Variants in PTPN21 observed in about 807,000 individuals in gnomAD.
PTPN21 encodes protein tyrosine phosphatase non-receptor type 21, also known as tyrosine-protein phosphatase non-receptor type 21.
In PTPN21, 77 loss-of-function variants were observed where a neutral mutation model predicts 131.8. The observed-to-expected ratio is 0.58, with a 90% CI of 0.49 to 0.71. PTPN21 has a LOEUF of 0.71. Among genes scored for constraint, PTPN21 ranks in the 30% least tolerant of loss-of-function variants. The pLI is 0.00. For synonymous variants in PTPN21, 715 were observed against 621.3 expected (o/e 1.15, Z -2.24); for missense variants, 1,552 against 1,527.1 (o/e 1.02, Z -0.27).
chr14:88,485,552 T>C (rs2077719237), intron 11 of PTPN21, among the ~76,000 whole-genome samples: 1 of 151,994 alleles, frequency 6.6e-6, no homozygotes. Context: ...TGGCCAATAG[T>C]CTAAGTTCTT....
chr14:88,523,759 C>A (rs1445663233), intron 2 of PTPN21, among the ~76,000 whole-genome samples: 1 of 144,570 alleles, frequency 6.9e-6, no homozygotes, highest in Non-Finnish European at 1.6e-5. Context: ...ACACACACCC[C>A]TGCCCTACTC....
intron 2 of PTPN21, among the ~76,000 whole-genome samples, chr14:88,523,527 A>C (rs906131700): frequency 7.2e-5 from 11 of 152,202 alleles, no homozygotes; most frequent in African/African-American, 2.7e-4. Context: ...CTTTCCCCCT[A>C]AGATCAGTAA....
chr14:88,484,839 G>A (rs73315904), intron 12 of PTPN21, among the ~76,000 whole-genome samples: 5,607 of 152,096 alleles, frequency 0.037, 350 homozygotes, highest in African/African-American at 0.13. Flanking sequence ...AGTGAGCTGA[G>A]ACACGCCACT....
At position 88,467,828 on chromosome 14, in the gene PTPN21, T is replaced by A; in HGVS notation, c.*309A>T. 1 of 286,086 alleles carries A rather than the reference T, an allele frequency of 3.5e-6. No homozygotes were observed. The highest frequency in any genetic ancestry group is 4.4e-5 in the South Asian group (1 of 22,690). 17.7% of individuals were successfully genotyped at this position (286,086 alleles called of 1,614,324 possible). On this transcript the variant is annotated 3_prime_UTR_variant, in exon 19 of 19. Coordinates refer to ENST00000556564, the MANE Select transcript of PTPN21 (RefSeq NM_007039.4). ...CCAGAATTGCCCAGCATAGCTTCAG[T>A]AAAATAGAGAATTGTCTAGAAAATA... is the stretch of plus-strand genomic sequence containing the variant.
chr14:88,472,492 A>G (rs781178256), intron 14 of PTPN21, 27 bp from the exon 15 acceptor site: 33 of 1,424,274 alleles, frequency 2.3e-5, no homozygotes, highest in Non-Finnish European at 3.2e-5. Context: ...GTGTAATAAC[A>G]TGAATACAGC....
intron 8 of PTPN21, chr14:88,499,227 T>C (rs1378889898): frequency 6.6e-6 from 1 of 152,150 alleles, no homozygotes; most frequent in Non-Finnish European, 1.5e-5. Context: ...CAGTGCATTC[T>C]AGGAATGGGG....
At chr14:88,535,441 T>C (rs2078616427) in intron 2 of PTPN21, among the ~76,000 whole-genome samples, 1 of 152,212 alleles carries the variant, frequency 6.6e-6, no homozygotes, top group East Asian at 1.9e-4. Flanking sequence ...GCTCGGCCTT[T>C]GAGTCCTGAC....
chr14:88,481,736 T>C (rs539471192), intron 12 of PTPN21, among the ~76,000 whole-genome samples: 10 of 152,146 alleles, frequency 6.6e-5, no homozygotes, highest in Non-Finnish European at 1.0e-4. Context: ...TCACAAGATA[T>C]GGCAGTTAAG....
At chr14:88,511,309 TA>T (rs990551992) in intron 3 of PTPN21, among the ~76,000 whole-genome samples, 1 of 152,130 alleles carries the variant, frequency 6.6e-6, no homozygotes, top group African/African-American at 2.4e-5. Flanking sequence ...CTAAAGTGAT[TA>T]AAAAAACCTT....
intron 2 of PTPN21, among the ~76,000 whole-genome samples, chr14:88,532,620 T>C (rs1220416391): frequency 6.6e-6 from 1 of 152,216 alleles, no homozygotes; most frequent in Non-Finnish European, 1.5e-5. Flanking sequence ...ATGGATTTTT[T>C]TTCTTATTTT....
At position 88,485,099 on chromosome 14, in the gene PTPN21, G is replaced by A; in HGVS notation, c.1055C>T (p.Thr352Ile). Residue 352 changes from threonine (T) to isoleucine (I), a missense_variant, in exon 12 of 19, where the codon ACA (threonine) becomes ATA (isoleucine). Physicochemically the swap from Thr to Ile is moderately conservative, Grantham distance 89. Around this residue, in one of 4 missense-constraint regions of PTPN21, gnomAD observed 1,016 missense variants for 883.5 expected, o/e 1.15. Transcript: ENST00000556564. ...ACCTTGGGAAGAAGCATATGGTTCT[G>A]TATAATGTCCATTATAGTGCAACTG... The part of the protein sequence containing the change: ...PPQLHYNGHY[T>I]EPYASSQDNL... The A allele has an allele frequency of 2.5e-6, 4 of 1,606,704 alleles. No homozygotes were observed. Among genetic ancestry groups the A allele is most frequent in the East Asian group, 2.2e-5 (1 of 44,826 alleles).
chr14:88,543,866 T>C (rs1269836438), intron 2 of PTPN21, among the ~76,000 whole-genome samples: 2 of 152,126 alleles, frequency 1.3e-5, no homozygotes, highest in African/African-American at 2.4e-5. Flanking sequence ...AATAGTTATG[T>C]ATGAAGGCCA....
At chr14:88,515,681 G>T (rs1213991848) in intron 3 of PTPN21, among the ~76,000 whole-genome samples, 1 of 151,922 alleles carries the variant, frequency 6.6e-6, no homozygotes, top group African/African-American at 2.4e-5. Context: ...AGTTCCCCTT[G>T]CCCCACCCCT....
intron 12 of PTPN21, among the ~76,000 whole-genome samples, chr14:88,482,298 T>C (rs74072479): frequency 0.037 from 5,612 of 152,152 alleles, 342 homozygotes; most frequent in African/African-American, 0.13. Flanking sequence ...TCAGGGAATA[T>C]TGTGTGGAGT....
At chr14:88,474,201 ATTT>A (rs11372490) in intron 13 of PTPN21, among the ~76,000 whole-genome samples, 3 of 146,190 alleles carry the variant, frequency 2.1e-5, no homozygotes, top group African/African-American at 7.6e-5. Context: ...GCTTTTATAA[ATTT>A]TTTTTTTGAG....
chr14:88,480,185 A>AC lies in PTPN21; in HGVS notation c.1245dup (p.Ser416ValfsTer5). ...CTCCCGGTGATGCTAGGGTTGGACG[A>AC]CATCGGCGAGGGCTGCAAGTAGGGC... On this transcript the variant is annotated frameshift_variant, in exon 13 of 19. Coordinates refer to ENST00000556564, the MANE Select transcript of PTPN21 (RefSeq NM_007039.4). LOFTEE classifies it high-confidence loss of function. 6.2e-7 allele frequency: 1 copy of AC among 1,614,166 alleles called. No individual in the cohort carries two copies. Among genetic ancestry groups the AC allele is most frequent in the Non-Finnish European group, 8.5e-7 (1 of 1,180,018 alleles).
chr14:88,522,296 T>C (rs1206461358), intron 2 of PTPN21, among the ~76,000 whole-genome samples: 2 of 151,210 alleles, frequency 1.3e-5, no homozygotes, highest in Non-Finnish European at 3.0e-5. Context: ...GGTATGATGG[T>C]GGGTGCCTGT....
At chr14:88,515,731 G>C (rs2078259389) in intron 3 of PTPN21, among the ~76,000 whole-genome samples, 1 of 152,138 alleles carries the variant, frequency 6.6e-6, no homozygotes, top group Admixed American at 6.6e-5. Flanking sequence ...ATTATCATAG[G>C]ATACTGTAAC....
intron 2 of PTPN21, among the ~76,000 whole-genome samples, chr14:88,525,936 G>A (rs1277267939): frequency 6.6e-6 from 1 of 152,156 alleles, no homozygotes; most frequent in African/African-American, 2.4e-5. Flanking sequence ...CTAAGCAAAA[G>A]CAGCCAGAAG....
Sources: allele counts gnomAD v4.1 joint callset (sites outside exome capture counted in the v4.1 genomes callset), GRCh38; gene constraint gnomAD v4.1.1; regional missense constraint gnomAD v4.1.1; transcripts MANE v1.5; gene names NCBI Gene and HGNC (gene_info 2026-07-23, HGNC 2026-07-21).